Variants in RBFOX1 observed in about 807,000 individuals in gnomAD.
RBFOX1 encodes the protein RNA binding fox-1 homolog 1.
RBFOX1 carries 8 observed loss-of-function variants against 57.7 expected under a neutral mutation model. The observed-to-expected ratio is 0.14, with a 90% CI of 0.08 to 0.25. RBFOX1 has a LOEUF of 0.25. RBFOX1 is among the 10% of genes least tolerant of loss of function. The pLI is 1.00. For synonymous variants in RBFOX1, 326 were observed against 222.4 expected, an observed-to-expected ratio of 1.47 and a Z score of -4.15; for missense variants, 611 against 548.5, an observed-to-expected ratio of 1.11 and a Z score of -1.14.
At chr16:7,200,692 G>C (rs768739832) in intron 4 of RBFOX1, among the ~76,000 whole-genome samples, 1 of 152,176 alleles carries the variant, frequency 6.6e-6, no homozygotes. Flanking sequence ...CAAATTAAAG[G>C]ATAATAATGC....
intron 1 of RBFOX1, among the ~76,000 whole-genome samples, chr16:6,160,627 G>A (rs1166676065): frequency 6.6e-6 from 1 of 152,144 alleles, no homozygotes; most frequent in East Asian, 1.9e-4. Context: ...TCTGTTCCCA[G>A]TGGCTTTATC....
chr16:6,544,724 A>C (rs2096871139), intron 2 of RBFOX1, among the ~76,000 whole-genome samples: 2 of 152,160 alleles, frequency 1.3e-5, no homozygotes, highest in South Asian at 4.1e-4. Flanking sequence ...TTCAAACCTC[A>C]GTTTCCTTGT....
At chr16:5,560,650 T>A (rs570818519) in intron 2 of RBFOX1, among the ~76,000 whole-genome samples, 1 of 152,304 alleles carries the variant, frequency 6.6e-6, no homozygotes, top group African/African-American at 2.4e-5. Flanking sequence ...CTTATGCTTT[T>A]ATTCCTTCAT....
chr16:7,695,190 T>G lies in RBFOX1; in HGVS notation c.996-13866T>G, dbSNP rs548482772. Among the ~76,000 whole-genome samples, 314 of 152,292 alleles carry G rather than the reference T, an allele frequency of 2.1e-3. 1 individual carries two copies. Among genetic ancestry groups the G allele is most frequent in the African/African-American group, 7.0e-3 (292 of 41,554 alleles). On this transcript the variant is annotated intron_variant, in intron 14 of 15. Coordinates refer to ENST00000550418, the MANE Select transcript of RBFOX1 (RefSeq NM_018723.4). The stretch of plus-strand genomic sequence containing the variant: ...TTTGATGGCCATTTTAATATTATGT[T>G]GCATGCTTCATAAGGTTCCGTTTGA...
chr16:6,975,758 C>G (rs932262672), intron 3 of RBFOX1, among the ~76,000 whole-genome samples: 3 of 152,030 alleles, frequency 2.0e-5, no homozygotes, highest in African/African-American at 7.3e-5. Context: ...CTCCTATGAC[C>G]CCTAAAGTGT....
intron 1 of RBFOX1, among the ~76,000 whole-genome samples, chr16:6,242,943 T>C (rs1056413523): frequency 6.6e-6 from 1 of 152,158 alleles, no homozygotes; most frequent in Non-Finnish European, 1.5e-5. Flanking sequence ...TTTGGAAATA[T>C]TGAAGAAATA....
intron 2 of RBFOX1, among the ~76,000 whole-genome samples, chr16:6,478,863 G>T (rs2095326413): frequency 6.6e-6 from 1 of 151,974 alleles, no homozygotes; most frequent in African/African-American, 2.4e-5. Context: ...ATCAAACATT[G>T]CTCATCACAG....
intron 2 of RBFOX1, among the ~76,000 whole-genome samples, chr16:5,522,131 C>G (rs141970729): frequency 1.0e-3 from 153 of 152,324 alleles, no homozygotes; most frequent in African/African-American, 3.5e-3. Context: ...CCTTCATTCA[C>G]TTTTAAGGAG....
At chr16:6,003,006 G>T (rs551273558) in intron 4 of RBFOX1, among the ~76,000 whole-genome samples, 1 of 152,278 alleles carries the variant, frequency 6.6e-6, no homozygotes, top group South Asian at 2.1e-4. Context: ...AAGACTGGGC[G>T]TGGTGGCTCA....
chr16:5,605,810 C>T lies in RBFOX1; in HGVS notation c.318+6849C>T, dbSNP rs189174587. Among the ~76,000 whole-genome samples the T allele has an allele frequency of 1.0e-3, 153 of 151,296 alleles. 1 individual carries two copies. Among genetic ancestry groups the T allele is most frequent in the Middle Eastern group, 3.4e-3 (1 of 292 alleles). On this transcript the variant is annotated intron_variant, in intron 3 of 19. Transcript: ENST00000641259. ...TTAGTAATGTCTTCCTTGGTATAGG[C>T]GAGAAGAATGGTACTCTTGAATGGT...
At chr16:7,681,124 C>T (rs1171479450) in intron 14 of RBFOX1, among the ~76,000 whole-genome samples, 3 of 152,108 alleles carry the variant, frequency 2.0e-5, no homozygotes, top group Non-Finnish European at 4.4e-5. Flanking sequence ...GATAAGTAGG[C>T]ATATTTTCAG....
chr16:5,321,130 A>G (rs2064391152), intron 1 of RBFOX1, among the ~76,000 whole-genome samples: 1 of 152,186 alleles, frequency 6.6e-6, no homozygotes, highest in African/African-American at 2.4e-5. Context: ...CAAGCTCAGT[A>G]CTATAGACAT....
intron 5 of RBFOX1, among the ~76,000 whole-genome samples, chr16:7,542,579 G>T (rs1395803673): frequency 6.6e-6 from 1 of 151,960 alleles, no homozygotes; most frequent in Non-Finnish European, 1.5e-5. Flanking sequence ...ATGGGGCCGG[G>T]TGCAGTGGCT....
intron 2 of RBFOX1, among the ~76,000 whole-genome samples, chr16:6,361,747 T>C (rs906805521): frequency 1.3e-5 from 2 of 152,098 alleles, no homozygotes; most frequent in African/African-American, 4.8e-5. Flanking sequence ...ATGTCTGGAA[T>C]GAGGGCACAG....
chr16:6,340,228 G>T (rs1016383876), intron 2 of RBFOX1, among the ~76,000 whole-genome samples: 1 of 152,100 alleles, frequency 6.6e-6, no homozygotes, highest in African/African-American at 2.4e-5. Context: ...GAAACAGGCC[G>T]TCCGACTATC....
chr16:6,210,822 G>C (rs1236726823), intron 1 of RBFOX1, among the ~76,000 whole-genome samples: 1 of 152,236 alleles, frequency 6.6e-6, no homozygotes, highest in Non-Finnish European at 1.5e-5. Context: ...CATGGGCACA[G>C]ACTTGTCAGC....
At chr16:6,704,045 C>G (rs536122437) in intron 3 of RBFOX1, 1 of 152,466 alleles carries the variant, frequency 6.6e-6, no homozygotes, top group Non-Finnish European at 1.5e-5. Context: ...CTAATTCCCC[C>G]TCCTCCTCGA....
At position 6,680,555 on chromosome 16, in the gene RBFOX1, G is replaced by A. The variant is rs533875145; in HGVS notation, c.-16+25905G>A. ...TGGGATTACAGGCGTAAGCCACCGC[G>A]TCCGGCCCTCTTTGCTTTTTCTTAG... On this transcript the variant is annotated intron_variant, in intron 3 of 15. Coordinates refer to ENST00000550418, the MANE Select transcript of RBFOX1 (RefSeq NM_018723.4). Among the ~76,000 whole-genome samples, 13 of 152,188 alleles carry A rather than the reference G, an allele frequency of 8.5e-5. No individual in the cohort carries two copies. The South Asian group carries it at 2.3e-3, about 27-fold the overall frequency.
intron 1 of RBFOX1, among the ~76,000 whole-genome samples, chr16:5,353,916 GA>G (rs34896063): frequency 0.071 from 10,723 of 152,064 alleles, 1,287 homozygotes; most frequent in African/African-American, 0.24. Context: ...AGAAGCTTTG[GA>G]AACACATCAG....
Sources: allele counts gnomAD v4.1 joint callset (sites outside exome capture counted in the v4.1 genomes callset), GRCh38; gene constraint gnomAD v4.1.1; transcripts MANE v1.5; gene names NCBI Gene and HGNC (gene_info 2026-07-23, HGNC 2026-07-21).